EYS: variants seen among roughly 807,000 people sequenced by gnomAD.
The protein encoded by EYS is protein eyes shut homolog.
EYS carries 250 observed loss-of-function variants against 282.1 expected under a neutral mutation model. The observed-to-expected ratio is 0.89, with a 90% CI of 0.80 to 0.98. The LOEUF is 0.98. EYS is among the 50% of genes least tolerant of loss of function. The probability of loss-of-function intolerance (pLI) is 0.00; values close to 1 mark genes in which losing one functional copy is unlikely to be tolerated. For missense variants in EYS, 4,016 were observed against 3,709.0 expected (o/e 1.08, Z -2.15); for synonymous variants, 1,355 against 1,282.9 (o/e 1.06, Z -1.20).
intron 24 of EYS, among the ~76,000 whole-genome samples, chr6:64,613,139 C>T (rs376790309): frequency 6.6e-6 from 1 of 152,020 alleles, no homozygotes; most frequent in African/African-American, 2.4e-5. Flanking sequence ...AGTACACATG[C>T]AAGACAATTT....
intron 4 of EYS, among the ~76,000 whole-genome samples, chr6:65,494,178 T>G (rs2127270104): frequency 6.6e-6 from 1 of 152,212 alleles, no homozygotes; most frequent in African/African-American, 2.4e-5. Context: ...TTTTGGAGGA[T>G]CCCTGATAGG....
intron 31 of EYS, among the ~76,000 whole-genome samples, chr6:64,196,359 A>G (rs930248374): frequency 7.9e-5 from 12 of 152,172 alleles, no homozygotes; most frequent in Non-Finnish European, 1.0e-4. Context: ...ATCTTGAACT[A>G]GAAATACCAT....
chr6:64,093,988 C>T (rs1018288295), intron 31 of EYS, among the ~76,000 whole-genome samples: 1 of 152,096 alleles, frequency 6.6e-6, no homozygotes, highest in Non-Finnish European at 1.5e-5. Flanking sequence ...TTGTCAAAGA[C>T]CTTTTCTGCA....
intron 12 of EYS, among the ~76,000 whole-genome samples, chr6:65,173,417 C>T (rs1267140826): frequency 2.0e-5 from 3 of 147,742 alleles, no homozygotes; most frequent in Admixed American, 1.3e-4. Flanking sequence ...CAAAATAGAA[C>T]GGGGGACTCA....
Position 64,462,942 on chromosome 6 carries a change from A to ATT in EYS, c.5645-23592_5645-23591dup, listed in dbSNP as rs58373990. Among the ~76,000 whole-genome samples the ATT allele has an allele frequency of 8.5e-3, 894 of 105,542 alleles. 22 individuals are homozygous for ATT. Among genetic ancestry groups the ATT allele is most frequent in the Middle Eastern group, 0.021 (4 of 194 alleles). The allele number at this position is 105,542 out of a possible 152,430, so 69.2% of individuals were successfully genotyped here. ...CAAGTATAGCTTATTCTCAGCTTTA[A>ATT]TTTTTTTTTTTTTTTTTTTTTGAGA... On this transcript the variant is annotated intron_variant, in intron 26 of 42. Coordinates refer to ENST00000503581, the MANE Select transcript of EYS (RefSeq NM_001142800.2).
chr6:64,912,828 T>C (rs1433855104), intron 15 of EYS, 85 bp from the exon 16 acceptor site: 1 of 752,038 alleles, frequency 1.3e-6, no homozygotes, highest in Non-Finnish European at 1.9e-6. Context: ...CTTGAACTAA[T>C]AGTATGTGGT....
intron 12 of EYS, among the ~76,000 whole-genome samples, chr6:65,119,050 A>G (rs965345092): frequency 1.3e-5 from 2 of 152,156 alleles, no homozygotes; most frequent in Non-Finnish European, 2.9e-5. Context: ...AATAATGGAA[A>G]TGGAATGAGG....
chr6:65,330,460 T>C (rs1416263860), intron 11 of EYS: 3 of 984,230 alleles, frequency 3.0e-6, no homozygotes, highest in Non-Finnish European at 3.6e-6. Context: ...AGTAACAATA[T>C]GGCTGGTATG....
intron 31 of EYS, among the ~76,000 whole-genome samples, chr6:64,160,863 T>C (rs933454209): frequency 2.0e-5 from 3 of 152,198 alleles, no homozygotes; most frequent in African/African-American, 7.2e-5. Context: ...AGTAATAGAC[T>C]TCTTTGGGAA....
At chr6:65,617,877 T>G (rs1046451651) in intron 2 of EYS, among the ~76,000 whole-genome samples, 2 of 152,114 alleles carry the variant, frequency 1.3e-5, no homozygotes, top group African/African-American at 4.8e-5. Context: ...ACAAAGGACA[T>G]GAACTCATCA....
chr6:64,852,877 C>T (rs1416339715), intron 19 of EYS, among the ~76,000 whole-genome samples: 4 of 152,130 alleles, frequency 2.6e-5, no homozygotes, highest in Admixed American at 2.0e-4. Context: ...CTTGTTTTTA[C>T]ACTTGTACCT....
At chr6:64,193,837 T>G (rs1765194077) in intron 31 of EYS, among the ~76,000 whole-genome samples, 3 of 152,156 alleles carry the variant, frequency 2.0e-5, no homozygotes. Context: ...AACTCATCCT[T>G]TTTTATGGCT....
In EYS at chr6:64,437,399, T is replaced by A. The variant is rs1249595217; in HGVS notation, c.5836-1134A>T. On this transcript the variant is annotated intron_variant, in intron 27 of 42. Coordinates refer to ENST00000503581, the MANE Select transcript of EYS (RefSeq NM_001142800.2). ...CTTTGGTTTTATGAAAAAGAAAGGA[T>A]ATATACTTACAAGTCTACAATAATT... Among the ~76,000 whole-genome samples, 3 of 151,730 alleles carry A rather than the reference T, an allele frequency of 2.0e-5. No homozygotes were observed. The East Asian group carries it at 5.8e-4, about 29-fold the overall frequency.
intron 1 of EYS, among the ~76,000 whole-genome samples, chr6:65,669,804 G>GC (rs572451429): frequency 2.4e-3 from 364 of 152,056 alleles, no homozygotes; most frequent in African/African-American, 8.4e-3. Flanking sequence ...TTGGACATAT[G>GC]CGAGTTAACT....
chr6:63,747,077 T>C (rs1017130488), intron 41 of EYS, among the ~76,000 whole-genome samples: 5 of 152,248 alleles, frequency 3.3e-5, no homozygotes, highest in African/African-American at 1.2e-4. Flanking sequence ...TTTAGTGCTA[T>C]AAATTTCCCT....
At chr6:64,545,091 C>G (rs1205112860) in intron 26 of EYS, among the ~76,000 whole-genome samples, 1 of 152,182 alleles carries the variant, frequency 6.6e-6, no homozygotes, top group Non-Finnish European at 1.5e-5. Flanking sequence ...AGACCAATAT[C>G]CCTGATGAAC....
intron 22 of EYS, among the ~76,000 whole-genome samples, chr6:64,727,815 G>T (rs528837958): frequency 6.6e-6 from 1 of 152,318 alleles, no homozygotes; most frequent in South Asian, 2.1e-4. Flanking sequence ...CATAGATTTT[G>T]TAAAATAACT....
At chr6:64,118,358 GAATATAA>G (rs1773460181) in intron 31 of EYS, among the ~76,000 whole-genome samples, 1 of 152,032 alleles carries the variant, frequency 6.6e-6, no homozygotes, top group Non-Finnish European at 1.5e-5. Flanking sequence ...CAATAGTATA[GAATATAA>G]AATGCAGAAA....
chr6:65,139,347 C>A (rs1764262326), intron 12 of EYS, among the ~76,000 whole-genome samples: 1 of 152,038 alleles, frequency 6.6e-6, no homozygotes, highest in African/African-American at 2.4e-5. Context: ...AAACCAAATA[C>A]CATCTGTTAT....
Sources: gnomAD v4.1 joint callset for allele counts (sites outside exome capture counted in the v4.1 genomes callset) on GRCh38, gnomAD v4.1.1 for gene constraint, MANE v1.5 for transcripts, NCBI Gene and HGNC (gene_info 2026-07-23, HGNC 2026-07-21) for gene names.